The following HMGA2 variants were observed in gnomAD, a reference collection of about 807,000 sequenced individuals.
The protein encoded by HMGA2 is high mobility group AT-hook 2, also known as high mobility group protein HMGI-C.
Under a neutral mutation model 19.1 loss-of-function variants are expected in HMGA2, and 8 were observed. The ratio of observed to expected loss-of-function variants is 0.42; its 90% confidence interval spans 0.25 to 0.76. HMGA2 has a LOEUF of 0.76. Ranked by LOEUF, HMGA2 falls within the 30% of genes least tolerant of loss-of-function variation. The pLI, the probability that HMGA2 is intolerant of heterozygous loss-of-function variation, is 0.28. For synonymous variants in HMGA2, 60 were observed against 48.8 expected, an observed-to-expected ratio of 1.23 and a Z score of -0.96; for missense variants, 109 against 136.3, an observed-to-expected ratio of 0.80 and a Z score of 1.00.
intron 3 of HMGA2, among the ~76,000 whole-genome samples, chr12:65,854,381 G>A (rs1211685159): frequency 6.6e-6 from 1 of 152,170 alleles, no homozygotes; most frequent in Non-Finnish European, 1.5e-5. Context: ...GCTTTGACCA[G>A]TTTTCCCCTA....
chr12:65,825,630 G>C lies in HMGA2; in HGVS notation c.111+249G>C, dbSNP rs1360358973. On this transcript the variant is annotated intron_variant, in intron 1 of 4. Transcript: ENST00000403681. The surrounding 1 kb of genome is among the most constrained non-coding windows in gnomAD (Gnocchi z 4.4). ...CGGGGAAGGCGGGAGGTGGGGTCGGGCGAAGCGCGTCCTCGGACTTTCGCT... is the reference window on the plus strand; with the variant it reads ...CGGGGAAGGCGGGAGGTGGGGTCGGCCGAAGCGCGTCCTCGGACTTTCGCT... Among the ~76,000 whole-genome samples, 1 of 151,850 alleles carries C rather than the reference G, an allele frequency of 6.6e-6. No individual in the cohort carries two copies. The highest frequency in any genetic ancestry group is 1.5e-5 in the Non-Finnish European group (1 of 67,884).
At chr12:65,872,959 A>G (rs777934736) in intron 3 of HMGA2, among the ~76,000 whole-genome samples, 2 of 152,154 alleles carry the variant, frequency 1.3e-5, no homozygotes, top group Non-Finnish European at 2.9e-5. Context: ...TGAAACTTCC[A>G]TTAGGTCTTT....
intron 3 of HMGA2, among the ~76,000 whole-genome samples, chr12:65,900,514 A>G (rs1433678195): frequency 2.0e-5 from 3 of 152,200 alleles, no homozygotes; most frequent in African/African-American, 7.2e-5. Context: ...AAGTGTCATT[A>G]AGTTTTCCTC....
chr12:65,890,455 C>T (rs1873853594), intron 3 of HMGA2, among the ~76,000 whole-genome samples: 1 of 152,098 alleles, frequency 6.6e-6, no homozygotes, highest in Non-Finnish European at 1.5e-5. Context: ...CAAAGAAGAG[C>T]AAGATCATCA....
At chr12:65,850,515 T>G (rs1871415609) in intron 3 of HMGA2, among the ~76,000 whole-genome samples, 4 of 141,880 alleles carry the variant, frequency 2.8e-5, no homozygotes, top group Admixed American at 2.8e-4. Context: ...AGAGACCGAA[T>G]TTTTTTTTTT....
At chr12:65,951,227 C>G (rs931327458) in intron 3 of HMGA2, among the ~76,000 whole-genome samples, 156 bp from the exon 4 acceptor site, 1 of 152,166 alleles carries the variant, frequency 6.6e-6, no homozygotes, top group African/African-American at 2.4e-5. Context: ...CCATGCCTGG[C>G]CAAGTATAAA....
At chr12:65,829,233 C>T (rs2120832627) in intron 2 of HMGA2, among the ~76,000 whole-genome samples, 1 of 152,064 alleles carries the variant, frequency 6.6e-6, no homozygotes, top group African/African-American at 2.4e-5. Context: ...ACTCTGAGTT[C>T]TTGTCTGTTT....
intron 3 of HMGA2, among the ~76,000 whole-genome samples, chr12:65,879,480 A>T (rs1000185497): frequency 2.0e-5 from 3 of 152,186 alleles, no homozygotes; most frequent in Non-Finnish European, 4.4e-5. Context: ...ACTATATATA[A>T]AGTTTTTTTC....
chr12:65,896,737 G>A (rs1874147731), intron 3 of HMGA2, among the ~76,000 whole-genome samples: 1 of 152,136 alleles, frequency 6.6e-6, no homozygotes, highest in African/African-American at 2.4e-5. Flanking sequence ...CACAGCCTGC[G>A]GGGAGGTCTG....
chr12:65,894,215 A>G (rs1874032745), intron 3 of HMGA2, among the ~76,000 whole-genome samples: 2 of 152,226 alleles, frequency 1.3e-5, no homozygotes, highest in South Asian at 4.1e-4. Flanking sequence ...ACTTAGTTTT[A>G]AAACTCTACC....
rs34541445 is a variant in HMGA2 at position 65,849,736 on chromosome 12, A to ATTTTTTTTTTTTTTTTTTTTT, written c.249+11171_249+11191dup. On this transcript the variant is annotated intron_variant, in intron 3 of 4. Coordinates refer to ENST00000403681, the MANE Select transcript of HMGA2 (RefSeq NM_003483.6). The stretch of plus-strand genomic sequence containing the variant: ...AAACCAAGACAATGGTAGGCTCTGT[A>ATTTTTTTTTTTTTTTTTTTTT]TTTTTTTTTTTTTTTTTTTTTTTTG... Among the ~76,000 whole-genome samples, 46 of 85,118 alleles carry ATTTTTTTTTTTTTTTTTTTTT rather than the reference A, an allele frequency of 5.4e-4. 7 individuals are homozygous for ATTTTTTTTTTTTTTTTTTTTT. Among genetic ancestry groups the ATTTTTTTTTTTTTTTTTTTTT allele is most frequent in the African/African-American group, 2.3e-3 (43 of 18,522 alleles). 55.8% of individuals were successfully genotyped at this position (85,118 alleles called of 152,430 possible). A position where few individuals can be genotyped will look rare whatever the true frequency, so the allele number is the denominator to read the frequency against.
chr12:65,825,511 G>T lies in HMGA2; in HGVS notation c.111+130G>T, dbSNP rs953995117. The T allele has an allele frequency of 6.2e-5, 27 of 432,516 alleles. No individual in the cohort carries two copies. Among genetic ancestry groups the T allele is most frequent in the Non-Finnish European group, 8.4e-5 (24 of 285,668 alleles). 26.8% of individuals were successfully genotyped at this position (432,516 alleles called of 1,614,324 possible). ...GTCGCACACTGCCCGCCGGCCGGCC[G>T]GGGGGAGCGGCGCAGACCCCACGAG... On this transcript the variant is annotated intron_variant, in intron 1 of 4. Transcript: ENST00000403681. This position sits in a 1 kb window ranked among gnomAD's most constrained non-coding sequence, Gnocchi z 4.4.
intron 3 of HMGA2, among the ~76,000 whole-genome samples, chr12:65,889,544 A>C (rs1014158648): frequency 6.6e-6 from 1 of 152,214 alleles, no homozygotes; most frequent in Non-Finnish European, 1.5e-5. Context: ...AACACAGTAC[A>C]CAAAAGGCCA....
intron 3 of HMGA2, among the ~76,000 whole-genome samples, chr12:65,894,165 G>C (rs1874031339): frequency 1.3e-5 from 2 of 152,080 alleles, no homozygotes; most frequent in Admixed American, 1.3e-4. Flanking sequence ...ACGTGTTAAG[G>C]ATTCTATTTT....
chr12:65,829,356 C>T (rs1255003104), intron 2 of HMGA2, among the ~76,000 whole-genome samples: 1 of 151,912 alleles, frequency 6.6e-6, no homozygotes, highest in Non-Finnish European at 1.5e-5. Context: ...TAAAATAGCT[C>T]TAAGTAACCT....
intron 3 of HMGA2, among the ~76,000 whole-genome samples, chr12:65,843,971 C>T (rs1434858967): frequency 6.6e-6 from 1 of 150,496 alleles, no homozygotes; most frequent in East Asian, 2.0e-4. Context: ...ATTGCTTGAA[C>T]CTGGGAGGCA....
chr12:65,842,645 G>C, intron 3 of HMGA2: 1 of 1,534,880 alleles, frequency 6.5e-7, no homozygotes, highest in Non-Finnish European at 8.7e-7. Flanking sequence ...GAGATTTGGT[G>C]TCATGTGGTG....
intron 3 of HMGA2, chr12:65,842,758 G>T: frequency 7.3e-7 from 1 of 1,374,840 alleles, no homozygotes; most frequent in Admixed American, 3.0e-5. Context: ...AGCCAGTCCT[G>T]CCAATTGAAA....
At chr12:65,872,558 A>G (rs934670310) in intron 3 of HMGA2, among the ~76,000 whole-genome samples, 21 of 152,010 alleles carry the variant, frequency 1.4e-4, no homozygotes, top group Non-Finnish European at 7.4e-5. Context: ...GTCAGTCTCC[A>G]TTTTCAACAT....
Sources: gnomAD v4.1 joint callset for allele counts (sites outside exome capture counted in the v4.1 genomes callset) on GRCh38, gnomAD v4.1.1 for gene constraint, Gnocchi (gnomAD v3.1) non-coding constraint, MANE v1.5 for transcripts, NCBI Gene and HGNC (gene_info 2026-07-23, HGNC 2026-07-21) for gene names.